The following SEPTIN9 variants were observed in gnomAD, a reference collection of about 807,000 sequenced individuals.
SEPTIN9 encodes septin 9, also known as septin-9.
Under a neutral mutation model 56.6 loss-of-function variants are expected in SEPTIN9, and 13 were observed. That is an observed-to-expected ratio of 0.23 (90% CI 0.15 to 0.37). SEPTIN9 has a LOEUF of 0.37. SEPTIN9 is among the 10% of genes least tolerant of loss of function. SEPTIN9 has a pLI of 1.00. For synonymous variants in SEPTIN9, 332 were observed against 334.1 expected, an observed-to-expected ratio of 0.99 and a Z score of 0.07; for missense variants, 650 against 823.1, an observed-to-expected ratio of 0.79 and a Z score of 2.57.
rs1006508447 is a variant in SEPTIN9, at chr17:77,319,389, C to T, written c.76+12192C>T. The T allele has an allele frequency of 1.0e-5, 3 of 290,038 alleles. No individual in the cohort carries two copies. Among genetic ancestry groups the T allele is most frequent in the Non-Finnish European group, 1.6e-5 (3 of 184,968 alleles). The allele number at this position is 290,038 out of a possible 1,614,324, so 18.0% of individuals were successfully genotyped here. A position where few individuals can be genotyped will look rare whatever the true frequency, so the allele number is the denominator to read the frequency against. On this transcript the variant is annotated intron_variant, in intron 2 of 11. Transcript: ENST00000427177. The surrounding 1 kb of genome is among the most constrained non-coding windows in gnomAD (Gnocchi z 5.3). ...GATCCCCCAGTGGGGCCCCGAGTTC[C>T]CGGAGAGGAAGACTCGCTCCCTCCC...
At chr17:77,497,616 A>T (rs2040326924) in intron 11 of SEPTIN9, 1 of 584,362 alleles carries the variant, frequency 1.7e-6, no homozygotes, top group African/African-American at 1.9e-5. Flanking sequence ...CTGAGCTTTG[A>T]TCCACTGTGG....
chr17:77,373,569 C>T, intron 2 of SEPTIN9: 1 of 1,543,908 alleles, frequency 6.5e-7, no homozygotes. Flanking sequence ...GCTGGGCTGG[C>T]TGCTGCGGCC....
intron 2 of SEPTIN9, among the ~76,000 whole-genome samples, chr17:77,363,267 C>T (rs909830690): frequency 6.6e-6 from 1 of 151,624 alleles, no homozygotes; most frequent in Non-Finnish European, 1.5e-5. Flanking sequence ...AACAGTGTTG[C>T]TTATGAATTA....
In SEPTIN9 at chr17:77,435,863, G is replaced by T. The variant is rs963999320; in HGVS notation, c.721+33160G>T. Among the ~76,000 whole-genome samples, 2 of 152,240 alleles carry T rather than the reference G, an allele frequency of 1.3e-5. No individual in the cohort carries two copies. The highest frequency in any genetic ancestry group is 4.8e-5 in the African/African-American group (2 of 41,466). On this transcript the variant is annotated intron_variant, in intron 3 of 11. Coordinates refer to ENST00000427177, the MANE Select transcript of SEPTIN9 (RefSeq NM_001113491.2). The surrounding 1 kb of genome is among the most constrained non-coding windows in gnomAD (Gnocchi z 4.5). ...GGGATCTGGAGGCCTTTGCTCCTGA[G>T]CCCTGCCTCTGTGTAATCCCTAAAG... is the stretch of plus-strand genomic sequence containing the variant.
rs2035566684 is a variant in SEPTIN9 at position 77,392,282 on chromosome 17, G to A, written c.77-9777G>A. ...GGTTGCCAGAGGCAGAGAGAAAGAA[G>A]CCTCCTCCTAACACTTGAGCAAAGA... is the stretch of plus-strand genomic sequence containing the variant. On this transcript the variant is annotated intron_variant, in intron 2 of 11. Coordinates refer to ENST00000427177, the MANE Select transcript of SEPTIN9 (RefSeq NM_001113491.2). Among the ~76,000 whole-genome samples, 3 of 152,294 alleles carry A rather than the reference G, an allele frequency of 2.0e-5. No individual in the cohort carries two copies. In the South Asian group the frequency reaches 6.2e-4, roughly 32 times the overall value.
chr17:77,355,200 G>A (rs938299717), intron 2 of SEPTIN9, among the ~76,000 whole-genome samples: 8 of 152,060 alleles, frequency 5.3e-5, no homozygotes, highest in African/African-American at 1.7e-4. Context: ...TTTTCATTCC[G>A]TGGCCCAGCA....
intron 2 of SEPTIN9, chr17:77,376,265 C>T: frequency 4.1e-6 from 4 of 985,958 alleles, no homozygotes; most frequent in Non-Finnish European, 3.6e-6. Flanking sequence ...TGCGGAGGGC[C>T]AGGCATGCCC....
In SEPTIN9 at chr17:77,429,404, A is replaced by G. The variant is rs2084632855; in HGVS notation, c.721+26701A>G. ...GGGGACATCACCGTCCGCCTGGGCT[A>G]CAGCGTGCTCGCCGATTGCATTTGG... is the stretch of plus-strand genomic sequence containing the variant. On this transcript the variant is annotated intron_variant, in intron 3 of 11. Transcript: ENST00000427177. This position sits in a 1 kb window ranked among gnomAD's most constrained non-coding sequence, Gnocchi z 5.2. 9.8e-6 allele frequency: 4 copies of G among 409,712 alleles called. No homozygotes were observed. Among genetic ancestry groups the G allele is most frequent in the South Asian group, 3.6e-5 (2 of 55,364 alleles). The allele number at this position is 409,712 out of a possible 1,614,324, so 25.4% of individuals were successfully genotyped here. A position where few individuals can be genotyped will look rare whatever the true frequency, so the allele number is the denominator to read the frequency against.
chr17:77,492,794 C>T lies in SEPTIN9; in HGVS notation c.1476+78C>T. 7.2e-7 allele frequency: 1 copy of T among 1,379,378 alleles called. No individual in the cohort carries two copies. The allele number at this position is 1,379,378 out of a possible 1,614,324, so 85.4% of individuals were successfully genotyped here. A position where few individuals can be genotyped will look rare whatever the true frequency, so the allele number is the denominator to read the frequency against. ...AGGGTGGGTTGGGGGTTTGGAGGAC[C>T]TTAAGCCATGAAATTATATTCTTGG... On this transcript the variant is annotated intron_variant, in intron 9 of 11. Transcript: ENST00000427177. This position sits in a 1 kb window ranked among gnomAD's most constrained non-coding sequence, Gnocchi z 5.4.
intron 7 of SEPTIN9, among the ~76,000 whole-genome samples, chr17:77,490,432 C>T (rs900880252): frequency 3.3e-5 from 5 of 152,260 alleles, no homozygotes; most frequent in South Asian, 2.1e-4. Flanking sequence ...GCTGAGCCAA[C>T]GACAGCCCTT....
intron 3 of SEPTIN9, chr17:77,404,994 G>C (rs754761499): frequency 7.9e-7 from 1 of 1,266,586 alleles, no homozygotes; most frequent in East Asian, 2.6e-5. Flanking sequence ...TGACGTGCCG[G>C]ATACACCCCC....
At chr17:77,467,399 G>C (rs997836242) in intron 3 of SEPTIN9, among the ~76,000 whole-genome samples, 1 of 152,202 alleles carries the variant, frequency 6.6e-6, no homozygotes, top group Non-Finnish European at 1.5e-5. Context: ...TGTGTCTTCT[G>C]TGTTCCTGGG....
chr17:77,311,470 C>T (rs1469778477), intron 2 of SEPTIN9, among the ~76,000 whole-genome samples: 1 of 152,180 alleles, frequency 6.6e-6, no homozygotes, highest in Non-Finnish European at 1.5e-5. Context: ...GGGACGCCTG[C>T]ACAAGTAGGT....
intron 1 of SEPTIN9, among the ~76,000 whole-genome samples, chr17:77,291,369 C>T (rs140424089): frequency 0.013 from 2,010 of 149,750 alleles, 39 homozygotes; most frequent in African/African-American, 0.045. Flanking sequence ...TTGTAGCAGC[C>T]GGGCGCGGTG....
At position 77,405,633 on chromosome 17, in the gene SEPTIN9, G is replaced by A. The variant is rs942588423; in HGVS notation, c.721+2930G>A. 5.3e-5 allele frequency among the ~76,000 whole-genome samples: 8 copies of A among 152,100 alleles called. No individual in the cohort carries two copies. Among genetic ancestry groups the A allele is most frequent in the Non-Finnish European group, 1.2e-4 (8 of 68,002 alleles). ...AGGTGGAGGAAATGCAGGGACAGAC[G>A]AGGGCAGGGCCTTCCCAATGGAGGA... On this transcript the variant is annotated intron_variant, in intron 3 of 11. Coordinates refer to ENST00000427177, the MANE Select transcript of SEPTIN9 (RefSeq NM_001113491.2). The surrounding 1 kb of genome is among the most constrained non-coding windows in gnomAD (Gnocchi z 5.8).
chr17:77,390,081 TG>T (rs1293229625), intron 2 of SEPTIN9, among the ~76,000 whole-genome samples: 1 of 152,084 alleles, frequency 6.6e-6, no homozygotes, highest in African/African-American at 2.4e-5. Context: ...TCTTGGAGGC[TG>T]GGCTGCCTTT....
intron 3 of SEPTIN9, among the ~76,000 whole-genome samples, chr17:77,403,389 G>T (rs1174780029): frequency 6.6e-6 from 1 of 152,230 alleles, no homozygotes; most frequent in African/African-American, 2.4e-5. Flanking sequence ...TTTTATTTGG[G>T]GGTGCCCTTC....
At chr17:77,297,787 T>C (rs143746656) in intron 1 of SEPTIN9, among the ~76,000 whole-genome samples, 1 of 152,338 alleles carries the variant, frequency 6.6e-6, no homozygotes, top group East Asian at 1.9e-4. Flanking sequence ...AATTCATCAG[T>C]TCTAGAAACT....
intron 1 of SEPTIN9, among the ~76,000 whole-genome samples, chr17:77,284,604 T>G (rs1011319695): frequency 7.9e-5 from 12 of 152,118 alleles, no homozygotes; most frequent in Admixed American, 3.9e-4. Flanking sequence ...ATTTGTTTTT[T>G]TGTGTGTGTG....
Sources: allele counts gnomAD v4.1 joint callset (sites outside exome capture counted in the v4.1 genomes callset), GRCh38; gene constraint gnomAD v4.1.1; non-coding constraint Gnocchi (gnomAD v3.1); transcripts MANE v1.5; gene names NCBI Gene and HGNC (gene_info 2026-07-23, HGNC 2026-07-21).